GRK3: variants seen among roughly 807,000 people sequenced by gnomAD.
GRK3 encodes the protein adrenergic, beta, receptor kinase 2.
GRK3 carries 54 observed loss-of-function variants against 95.7 expected under a neutral mutation model. The observed-to-expected ratio is 0.56, with a 90% CI of 0.45 to 0.71. The LOEUF is 0.71. Ranked by LOEUF, GRK3 falls within the 30% of genes least tolerant of loss-of-function variation. GRK3 has a pLI of 0.00. For missense variants in GRK3, 649 were observed against 851.2 expected (o/e 0.76, Z 2.96); for synonymous variants, 281 against 290.8 (o/e 0.97, Z 0.34).
At chr22:25,652,907 A>C (rs1203360319) in intron 3 of GRK3, among the ~76,000 whole-genome samples, 1 of 152,124 alleles carries the variant, frequency 6.6e-6, no homozygotes, top group African/African-American at 2.4e-5. Context: ...ACAGGTTTGA[A>C]TCCTAGGAGC....
At chr22:25,628,922 C>T (rs1482169470) in intron 2 of GRK3, among the ~76,000 whole-genome samples, 1 of 152,102 alleles carries the variant, frequency 6.6e-6, no homozygotes, top group Non-Finnish European at 1.5e-5. Flanking sequence ...TACCCCACTT[C>T]CCTGAAAAGA....
chr22:25,713,250 A>G (rs2085358252), intron 17 of GRK3, among the ~76,000 whole-genome samples: 1 of 151,346 alleles, frequency 6.6e-6, no homozygotes, highest in African/African-American at 2.4e-5. Flanking sequence ...TCAACACCCC[A>G]TCACTCACAC....
intron 2 of GRK3, among the ~76,000 whole-genome samples, chr22:25,609,490 C>T (rs972018894): frequency 1.2e-4 from 18 of 152,088 alleles, no homozygotes; most frequent in Non-Finnish European, 2.6e-4. Flanking sequence ...TGCCACCATG[C>T]CCAGCTAATT....
Position 25,711,142 on chromosome 22 carries a change from A to G in GRK3, c.1470A>G (p.Glu490=). The G allele has an allele frequency of 6.2e-7, 1 of 1,611,894 alleles. No homozygotes were observed. The highest frequency in any genetic ancestry group is 8.5e-7 in the Non-Finnish European group (1 of 1,178,258). Residue 490 remains glutamate, a synonymous_variant, in exon 17 of 21, where the codon GAA becomes GAG. Transcript: ENST00000324198. ...ADAFDIGSFD[E]EDTKGIKLLD... ...CCTTTGATATTGGCTCATTTGATGA[A>G]GAGGATACCAAAGGGATTAAGGTAC...
chr22:25,666,250 A>G (rs1484015509), intron 5 of GRK3, among the ~76,000 whole-genome samples: 1 of 152,246 alleles, frequency 6.6e-6, no homozygotes, highest in East Asian at 1.9e-4. Context: ...ATATGAAAGA[A>G]AAATATTAAT....
Position 25,711,681 on chromosome 22 carries a change from A to C in GRK3, c.1491+518A>C, listed in dbSNP as rs182097102. ...AAGTAGAGACAAGACATAATTAGAG[A>C]TGGTGAGTCATGAGAGAAGATCATT... is the stretch of plus-strand genomic sequence containing the variant. On this transcript the variant is annotated intron_variant, in intron 17 of 20. Transcript: ENST00000324198. Among the ~76,000 whole-genome samples, 395 of 151,964 alleles carry C rather than the reference A, an allele frequency of 2.6e-3. 2 individuals carry two copies. The highest frequency in any genetic ancestry group is 0.01 in the Middle Eastern group (3 of 292).
Position 25,703,567 on chromosome 22 carries a change from A to G in GRK3, c.1218A>G (p.Thr406=), listed in dbSNP as rs768263060. 6.2e-7 allele frequency: 1 copy of G among 1,611,950 alleles called. No individual in the cohort carries two copies. The highest frequency in any genetic ancestry group is 8.5e-7 in the Non-Finnish European group (1 of 1,178,198). Residue 406 remains threonine, a synonymous_variant, in exon 14 of 21, where the codon ACA becomes ACG. Coordinates refer to ENST00000324198, the MANE Select transcript of GRK3 (RefSeq NM_005160.4). ...TKDKHEIDRM[T]LTVNVELPDT... Reference sequence around the variant, plus strand: ...ACAAGCATGAAATTGACCGAATGACACTCACCGTGGTAAGGGGATTCAAAA... The same window carrying G: ...ACAAGCATGAAATTGACCGAATGACGCTCACCGTGGTAAGGGGATTCAAAA...
chr22:25,702,125 T>C (rs1360421446), intron 13 of GRK3, among the ~76,000 whole-genome samples: 1 of 151,968 alleles, frequency 6.6e-6, no homozygotes, highest in Admixed American at 6.6e-5. Context: ...TTTTAAGAGA[T>C]GGCAATTAGT....
intron 1 of GRK3, among the ~76,000 whole-genome samples, chr22:25,588,393 T>G (rs1171737451): frequency 6.6e-6 from 1 of 152,266 alleles, no homozygotes; most frequent in Admixed American, 6.5e-5. Context: ...GAACATAGAT[T>G]GTCCTGTGCT....
chr22:25,606,839 T>A (rs1023027460), intron 2 of GRK3, among the ~76,000 whole-genome samples: 3 of 152,184 alleles, frequency 2.0e-5, no homozygotes, highest in Non-Finnish European at 4.4e-5. Context: ...GGGAGATTGT[T>A]TGGCTACACC....
chr22:25,583,810 A>G (rs1425169651), intron 1 of GRK3, among the ~76,000 whole-genome samples: 1 of 152,236 alleles, frequency 6.6e-6, no homozygotes, highest in East Asian at 1.9e-4. Flanking sequence ...AGCTGTGGCA[A>G]AGATTTGATT....
chr22:25,636,757 C>A (rs1341226295), intron 2 of GRK3, among the ~76,000 whole-genome samples: 3 of 151,916 alleles, frequency 2.0e-5, no homozygotes, highest in Non-Finnish European at 4.4e-5. Flanking sequence ...TTTTTAAAAA[C>A]CATAGATCAG....
At chr22:25,603,064 G>A (rs568675525) in intron 1 of GRK3, among the ~76,000 whole-genome samples, 3 of 152,078 alleles carry the variant, frequency 2.0e-5, no homozygotes, top group Admixed American at 1.3e-4. Flanking sequence ...CTACAGACAC[G>A]CACAACCACA....
chr22:25,663,744 C>A, intron 5 of GRK3, 40 bp downstream of exon 5: 1 of 1,423,296 alleles, frequency 7.0e-7, no homozygotes, highest in Non-Finnish European at 9.9e-7. Flanking sequence ...ATAATATTTG[C>A]TTAACACTTG....
At chr22:25,669,209 G>A (rs2084962360) in intron 6 of GRK3, among the ~76,000 whole-genome samples, 1 of 152,138 alleles carries the variant, frequency 6.6e-6, no homozygotes. Context: ...CATGGAAAAG[G>A]TGATTTTTCC....
chr22:25,694,192 A>G (rs1303859498), intron 12 of GRK3, among the ~76,000 whole-genome samples: 1 of 152,226 alleles, frequency 6.6e-6, no homozygotes, highest in Non-Finnish European at 1.5e-5. Context: ...TGCTCACAGC[A>G]ACCCTGAGAG....
chr22:25,610,707 A>G (rs2084490282), intron 2 of GRK3, among the ~76,000 whole-genome samples: 3 of 152,234 alleles, frequency 2.0e-5, no homozygotes, highest in Admixed American at 6.5e-5. Context: ...TTTCATAAAA[A>G]TGGAATTATA....
At chr22:25,613,906 CTTCTT>C (rs1346411871) in intron 2 of GRK3, among the ~76,000 whole-genome samples, 2 of 149,922 alleles carry the variant, frequency 1.3e-5, no homozygotes, top group Admixed American at 6.6e-5. Flanking sequence ...ATTTGGTTGT[CTTCTT>C]TTTTTTTTTT....
chr22:25,702,847 G>A, intron 13 of GRK3: 1 of 456,034 alleles, frequency 2.2e-6, no homozygotes, highest in Non-Finnish European at 4.4e-6. Context: ...TACAGATGAA[G>A]AATTGATACT....
Sources: allele counts gnomAD v4.1 joint callset (sites outside exome capture counted in the v4.1 genomes callset), GRCh38; gene constraint gnomAD v4.1.1; transcripts MANE v1.5; gene names NCBI Gene and HGNC (gene_info 2026-07-23, HGNC 2026-07-21).